SMG1: variants seen among roughly 807,000 people sequenced by gnomAD.
SMG1 encodes the protein serine/threonine-protein kinase SMG1.
In SMG1, 22 loss-of-function variants were observed where a neutral mutation model predicts 419.9. The ratio of observed to expected loss-of-function variants is 0.05; its 90% CI spans 0.04 to 0.07. SMG1 has a LOEUF of 0.07. SMG1 is among the 10% of genes least tolerant of loss of function. The pLI is 1.00. For missense variants in SMG1, 3,185 were observed against 4,342.0 expected, an observed-to-expected ratio of 0.73 and a Z score of 7.49; for synonymous variants, 1,538 against 1,553.5, an observed-to-expected ratio of 0.99 and a Z score of 0.23.
At chr16:18,814,012 C>CAAGAGACAGTT in intron 60 of SMG1, among the ~76,000 whole-genome samples, 1 of 109,246 alleles carries the variant, frequency 9.2e-6, no homozygotes, top group South Asian at 2.9e-4. Context: ...GCCTGGGCGA[C>CAAGAGACAGTT]TGAGTGAGAC....
intron 34 of SMG1, 52 bp from the exon 35 acceptor site, chr16:18,850,178 TTTTG>T: frequency 6.3e-7 from 1 of 1,588,084 alleles, no homozygotes; most frequent in South Asian, 1.1e-5. Context: ...AGAACACTAC[TTTTG>T]TTTAATAAGA....
chr16:18,871,347 A>C lies in SMG1; in HGVS notation c.2302+17T>G, dbSNP rs1422256298. 2.3e-6 allele frequency: 3 copies of C among 1,290,740 alleles called. No homozygotes were observed. Among genetic ancestry groups the C allele is most frequent in the African/African-American group, 3.0e-5 (2 of 66,074 alleles). 80.0% of individuals were successfully genotyped at this position (1,290,740 alleles called of 1,614,324 possible). ...TTGATAAACAAAATAGAAAAAAAAA[A>C]AAAAACAGAGTCTTACTGTTGGCTA... is the stretch of plus-strand genomic sequence containing the variant. On this transcript the variant is annotated intron_variant, in intron 16 of 62. Transcript: ENST00000446231.
At position 18,817,480 on chromosome 16, in the gene SMG1, C is replaced by T. The variant is rs144258915; in HGVS notation, c.9895-10G>A. The T allele has an allele frequency of 6.4e-6, 10 of 1,555,862 alleles. No homozygotes were observed. Among genetic ancestry groups the T allele is most frequent in the Non-Finnish European group, 8.7e-6 (10 of 1,148,290 alleles). On this transcript the variant is annotated splice_polypyrimidine_tract_variant and intron_variant, in intron 56 of 62. Coordinates refer to ENST00000446231, the MANE Select transcript of SMG1 (RefSeq NM_015092.5). Reference sequence around the variant, plus strand: ...TGCAGAGAAATGTGACCTGTAAAGACAGAAATGGAACCACAAGAGGAGATG... The same window carrying T: ...TGCAGAGAAATGTGACCTGTAAAGATAGAAATGGAACCACAAGAGGAGATG...
chr16:18,812,189 G>A (rs1388973729), intron 60 of SMG1, 62 bp from the exon 61 acceptor site: 7 of 1,515,338 alleles, frequency 4.6e-6, no homozygotes, highest in Middle Eastern at 2.3e-4. Flanking sequence ...GGGCAGAGTG[G>A]AGCAAGCACG....
In SMG1 at chr16:18,847,337, G is replaced by A. The variant is rs929072667; in HGVS notation, c.5996+116C>T. ...GTGATGGTTGTACAATATGGTGAAT[G>A]TATTTAATGCCACTGAATTGTACAC... On this transcript the variant is annotated intron_variant, in intron 38 of 62. Transcript: ENST00000446231. 6 of 1,043,270 alleles carry A rather than the reference G, an allele frequency of 5.8e-6. No homozygotes were observed. The Admixed American group carries it at 6.1e-5, about 11-fold the overall frequency. 64.6% of individuals were successfully genotyped at this position (1,043,270 alleles called of 1,614,324 possible).
chr16:18,919,657 T>TACACACACACACAC (rs368125844), intron 1 of SMG1, among the ~76,000 whole-genome samples: 1 of 125,818 alleles, frequency 7.9e-6, no homozygotes, highest in East Asian at 2.4e-4. Context: ...TGTGTATATA[T>TACACACACACACAC]ACACACACAC....
chr16:18,841,749 G>C lies in SMG1; in HGVS notation c.6512C>G (p.Ser2171Cys). The change falls in exon 41 of 63, where the codon TCT (serine) becomes TGT (cysteine). Residue 2171 changes from serine (S) to cysteine (C), a missense_variant. Ser to Cys is a moderately radical substitution (Grantham distance 112). Transcript: ENST00000446231. ...TGTAGCAAACATGGTATTCACAATA[G>C]ATAGGAACTGCATTATTCTCTCATC... ...HLDERIMQFLSIVNTMFATIN... is the reference protein window; with the variant it reads ...HLDERIMQFLCIVNTMFATIN... 1 of 1,613,994 alleles carries C rather than the reference G, an allele frequency of 6.2e-7. No homozygotes were observed. The highest frequency in any genetic ancestry group is 8.5e-7 in the Non-Finnish European group (1 of 1,179,880).
intron 1 of SMG1, chr16:18,925,302 T>C (rs907804709): frequency 2.6e-5 from 4 of 152,136 alleles, no homozygotes; most frequent in Admixed American, 6.6e-5. Flanking sequence ...TTCACTCAAG[T>C]GTCCAGGTAT....
Position 18,925,937 on chromosome 16 carries a change from G to A in SMG1, c.92+13C>T, listed in dbSNP as rs1357181620. 4 of 1,535,042 alleles carry A rather than the reference G, an allele frequency of 2.6e-6. No homozygotes were observed. Among genetic ancestry groups the A allele is most frequent in the Non-Finnish European group, 3.5e-6 (4 of 1,144,500 alleles). On this transcript the variant is annotated intron_variant, in intron 1 of 62. Transcript: ENST00000446231. ...CCGGGAGGTCGGGGCGGGGTCCCGG[G>A]CCGGTCACCCACCTGGGTTGCCAGT...
At chr16:18,858,952 A>G in intron 28 of SMG1, 70 bp downstream of exon 28, 1 of 930,732 alleles carries the variant, frequency 1.1e-6, no homozygotes. Flanking sequence ...AAAACTAAAA[A>G]AATAAGGTCT....
chr16:18,905,485 T>G (rs2037523846), intron 1 of SMG1, among the ~76,000 whole-genome samples: 1 of 152,174 alleles, frequency 6.6e-6, no homozygotes, highest in Non-Finnish European at 1.5e-5. Flanking sequence ...TAAAATCCCA[T>G]GAGACTTTTT....
chr16:18,832,989 C>G lies in SMG1; in HGVS notation c.8743G>C (p.Ala2915Pro). ...ESLQAYLRNA[A>P]MGLEEETHAH... ...TGTGTTTCTTCTTCCAGTCCCATAG[C>G]TGCGTTTCTTAAGTAGGCCTGAAGA... The change falls in exon 51 of 63, where the codon GCT (alanine) becomes CCT (proline). Residue 2915 changes from alanine to proline, a missense_variant. Ala to Pro is a conservative substitution (Grantham distance 27). Around this residue, in one of 27 missense-constraint regions of SMG1, gnomAD observed 737 missense variants for 846.6 expected, o/e 0.87. Coordinates refer to ENST00000446231, the MANE Select transcript of SMG1 (RefSeq NM_015092.5). 1 of 1,613,978 alleles carries G rather than the reference C, an allele frequency of 6.2e-7. No homozygotes were observed. The highest frequency in any genetic ancestry group is 8.5e-7 in the Non-Finnish European group (1 of 1,179,890).
At chr16:18,859,402 G>A in intron 27 of SMG1, 154 bp downstream of exon 27, 1 of 701,058 alleles carries the variant, frequency 1.4e-6, no homozygotes, top group Admixed American at 3.0e-5. Context: ...TTGGCAAGCA[G>A]CATTCATATA....
At chr16:18,887,416 T>C (rs2036657292) in intron 6 of SMG1, among the ~76,000 whole-genome samples, 3 of 151,706 alleles carry the variant, frequency 2.0e-5, no homozygotes. Context: ...CATAGCTCAC[T>C]GTAGCCTCAA....
At chr16:18,829,162 G>C in intron 54 of SMG1, 124 bp downstream of exon 54, 1 of 717,546 alleles carries the variant, frequency 1.4e-6, no homozygotes, top group Non-Finnish European at 2.3e-6. Context: ...TGGTGTGTTT[G>C]CATTGGGTTG....
In SMG1 at chr16:18,811,687, T is replaced by C. The variant is rs559811169; in HGVS notation, c.10908+74A>G. 92 of 1,239,034 alleles carry C rather than the reference T, an allele frequency of 7.4e-5. No individual in the cohort carries two copies. In the African/African-American group the frequency reaches 1.1e-3, roughly 14 times the overall value. 76.8% of individuals were successfully genotyped at this position (1,239,034 alleles called of 1,614,324 possible). ...CTTGATGAACTATTAAGGAAATCGA[T>C]GAGAGGGATCTTTATACACCTCTAC... is the stretch of plus-strand genomic sequence containing the variant. On this transcript the variant is annotated intron_variant, in intron 62 of 62. Coordinates refer to ENST00000446231, the MANE Select transcript of SMG1 (RefSeq NM_015092.5).
At chr16:18,863,563 T>C (rs1439639689) in intron 25 of SMG1, 87 bp downstream of exon 25, 2 of 1,218,982 alleles carry the variant, frequency 1.6e-6, no homozygotes, top group Non-Finnish European at 2.4e-6. Context: ...TATTACTACA[T>C]ATGACCAATT....
intron 10 of SMG1, among the ~76,000 whole-genome samples, chr16:18,881,879 TATA>T (rs1388062462): frequency 2.0e-5 from 3 of 152,076 alleles, no homozygotes; most frequent in Non-Finnish European, 4.4e-5. Context: ...AAAGTAAAAT[TATA>T]ATAAATATTA....
intron 31 of SMG1, 31 bp from the exon 32 acceptor site, chr16:18,852,493 T>C: frequency 6.9e-7 from 1 of 1,458,948 alleles, no homozygotes; most frequent in East Asian, 2.5e-5. Context: ...ATAATTATAA[T>C]AAAAGAACTC....
Sources: allele counts gnomAD v4.1 joint callset (sites outside exome capture counted in the v4.1 genomes callset), GRCh38; gene constraint gnomAD v4.1.1; regional missense constraint gnomAD v4.1.1; transcripts MANE v1.5; gene names NCBI Gene and HGNC (gene_info 2026-07-23, HGNC 2026-07-21).